Variants in CEP112 observed in about 807,000 individuals in gnomAD.
CEP112 encodes centrosomal protein 112.
In CEP112, 127 loss-of-function variants were observed where a neutral mutation model predicts 153.0. That is an observed-to-expected ratio of 0.83 (90% CI 0.72 to 0.96). The LOEUF is 0.96. Ranked by LOEUF, CEP112 falls within the 40% of genes least tolerant of loss-of-function variation. The probability of loss-of-function intolerance (pLI) is 0.00; values close to 1 mark genes in which losing one functional copy is unlikely to be tolerated. For synonymous variants in CEP112, 358 were observed against 374.4 expected, an observed-to-expected ratio of 0.96 and a Z score of 0.51; for missense variants, 1,089 against 1,101.2, an observed-to-expected ratio of 0.99 and a Z score of 0.16.
chr17:65,752,014 T>TCATC (rs150841318), intron 21 of CEP112, among the ~76,000 whole-genome samples: 8,070 of 80,904 alleles, frequency 0.1, 291 homozygotes, highest in African/African-American at 0.22. Context: ...ACTGTTCCTT[T>TCATC]CATCCATCCA....
Position 65,851,790 on chromosome 17 carries a change from GT to G in CEP112, c.2394+13del. 6.3e-7 allele frequency: 1 copy of G among 1,589,524 alleles called. No homozygotes were observed. The highest frequency in any genetic ancestry group is 1.3e-5 in the African/African-American group (1 of 74,140). On this transcript the variant is annotated intron_variant, in intron 21 of 26. Coordinates refer to ENST00000535342, the MANE Select transcript of CEP112 (RefSeq NM_001199165.4). ...ATTTCAACTGCCTATTAAAAAACTA[GT>G]TAAATATCTTACCTTTTCCAGTGTC...
intron 11 of CEP112, among the ~76,000 whole-genome samples, chr17:66,062,092 C>T (rs1236766419): frequency 1.3e-5 from 2 of 152,120 alleles, no homozygotes; most frequent in Non-Finnish European, 2.9e-5. Flanking sequence ...TCACCTCCTA[C>T]CATGACTGTA....
At chr17:65,707,372 C>T (rs1249216619) in intron 23 of CEP112, among the ~76,000 whole-genome samples, 1 of 152,152 alleles carries the variant, frequency 6.6e-6, no homozygotes, top group Non-Finnish European at 1.5e-5. Flanking sequence ...CCATCTTTTA[C>T]CTAAAGATGA....
At chr17:65,949,540 G>A (rs549677395) in intron 18 of CEP112, among the ~76,000 whole-genome samples, 16 of 152,228 alleles carry the variant, frequency 1.1e-4, no homozygotes, top group African/African-American at 3.4e-4. Flanking sequence ...AGAGGCATGC[G>A]CCAAATTGGG....
At chr17:65,761,907 T>C (rs2052636673) in intron 21 of CEP112, among the ~76,000 whole-genome samples, 1 of 152,100 alleles carries the variant, frequency 6.6e-6, no homozygotes, top group South Asian at 2.1e-4. Flanking sequence ...TTATTTCCAG[T>C]TGATTGATGG....
intron 21 of CEP112, among the ~76,000 whole-genome samples, chr17:65,757,915 T>C (rs1188358224): frequency 1.3e-5 from 2 of 152,200 alleles, no homozygotes; most frequent in East Asian, 1.9e-4. Flanking sequence ...TTTATAGCTA[T>C]CATTTGTATA....
intron 21 of CEP112, among the ~76,000 whole-genome samples, chr17:65,828,403 G>C (rs2056933164): frequency 6.6e-6 from 1 of 152,112 alleles, no homozygotes; most frequent in African/African-American, 2.4e-5. Flanking sequence ...CTCTCTTCCT[G>C]CTGGTTAAGA....
At chr17:66,061,395 A>G (rs1043936240) in intron 11 of CEP112, among the ~76,000 whole-genome samples, 1 of 152,106 alleles carries the variant, frequency 6.6e-6, no homozygotes, top group African/African-American at 2.4e-5. Context: ...TAAAACTGGA[A>G]CTACCATATG....
intron 18 of CEP112, among the ~76,000 whole-genome samples, chr17:65,949,539 C>T (rs375184110): frequency 3.3e-5 from 5 of 152,110 alleles, no homozygotes; most frequent in Non-Finnish European, 5.9e-5. Context: ...TAGAGGCATG[C>T]GCCAAATTGG....
chr17:66,051,656 A>G (rs2066446665), intron 12 of CEP112, among the ~76,000 whole-genome samples: 1 of 152,154 alleles, frequency 6.6e-6, no homozygotes, highest in South Asian at 2.1e-4. Flanking sequence ...GTGCAAGGTA[A>G]CACACTCTAA....
At chr17:65,726,338 C>A (rs949211429) in intron 23 of CEP112, among the ~76,000 whole-genome samples, 60 of 148,770 alleles carry the variant, frequency 4.0e-4, no homozygotes, top group Non-Finnish European at 8.0e-4. Context: ...GACTCCATCT[C>A]AAAAAAAAAA....
chr17:65,702,749 C>T (rs370269160), intron 23 of CEP112, among the ~76,000 whole-genome samples: 2 of 152,208 alleles, frequency 1.3e-5, no homozygotes, highest in East Asian at 3.9e-4. Context: ...GCTGGGGAGG[C>T]CTCATAATCA....
At chr17:66,028,811 C>T (rs1037118337) in intron 14 of CEP112, among the ~76,000 whole-genome samples, 1 of 151,882 alleles carries the variant, frequency 6.6e-6, no homozygotes, top group African/African-American at 2.4e-5. Flanking sequence ...CATATAGTTA[C>T]TCTATGAAAT....
intron 12 of CEP112, among the ~76,000 whole-genome samples, chr17:66,051,542 T>G (rs2066441421): frequency 1.3e-5 from 2 of 152,118 alleles, no homozygotes; most frequent in South Asian, 4.1e-4. Context: ...AGTTGGAATT[T>G]GAACCCACAA....
intron 23 of CEP112, among the ~76,000 whole-genome samples, chr17:65,732,274 A>AT (rs1167992590): frequency 2.6e-5 from 4 of 152,084 alleles, no homozygotes; most frequent in Non-Finnish European, 5.9e-5. Flanking sequence ...ATCAGCAGTA[A>AT]TTTTTTTTAA....
At chr17:65,699,031 C>G (rs1379704080) in intron 23 of CEP112, among the ~76,000 whole-genome samples, 2 of 152,232 alleles carry the variant, frequency 1.3e-5, no homozygotes, top group African/African-American at 2.4e-5. Context: ...TCCGTGAAAA[C>G]TGAAGATTCA....
chr17:65,763,086 AT>A (rs2052712398), intron 21 of CEP112, among the ~76,000 whole-genome samples: 1 of 151,996 alleles, frequency 6.6e-6, no homozygotes, highest in Non-Finnish European at 1.5e-5. Flanking sequence ...AGAATTCTAG[AT>A]TCGTAGAGGT....
At chr17:65,699,309 C>T (rs541455314) in intron 23 of CEP112, among the ~76,000 whole-genome samples, 11 of 152,250 alleles carry the variant, frequency 7.2e-5, no homozygotes, top group African/African-American at 2.2e-4. Context: ...GAGCAAGTTG[C>T]CTTTCATTTA....
chr17:65,983,839 G>A (rs751922215), intron 17 of CEP112, among the ~76,000 whole-genome samples: 2 of 152,086 alleles, frequency 1.3e-5, no homozygotes, highest in East Asian at 1.9e-4. Flanking sequence ...TCTTTTCTCC[G>A]CTTTTCCTGA....
Sources: gnomAD v4.1 joint callset for allele counts (sites outside exome capture counted in the v4.1 genomes callset) on GRCh38, gnomAD v4.1.1 for gene constraint, MANE v1.5 for transcripts, NCBI Gene and HGNC (gene_info 2026-07-23, HGNC 2026-07-21) for gene names.